AUTS2: variants seen among roughly 807,000 people sequenced by gnomAD.
The protein encoded by AUTS2 is autism susceptibility gene 2 protein.
A neutral mutation model predicts 112.4 loss-of-function variants in AUTS2; 17 were observed. The ratio of observed to expected loss-of-function variants is 0.15; its 90% CI spans 0.10 to 0.23. The LOEUF (loss-of-function observed/expected upper bound fraction) is 0.23. Among genes scored for constraint, AUTS2 ranks in the 10% least tolerant of loss-of-function variants. The pLI is 1.00. For synonymous variants in AUTS2, 751 were observed against 702.7 expected (o/e 1.07, Z -1.09); for missense variants, 1,510 against 1,701.6 (o/e 0.89, Z 1.98).
intron 5 of AUTS2, among the ~76,000 whole-genome samples, chr7:70,523,470 A>C (rs1439435435): frequency 6.6e-6 from 1 of 152,166 alleles, no homozygotes; most frequent in East Asian, 1.9e-4. Flanking sequence ...CAGAAGTGCA[A>C]GTGGTAAAGT....
chr7:70,044,526 G>A (rs1358505041), intron 2 of AUTS2, among the ~76,000 whole-genome samples: 1 of 152,080 alleles, frequency 6.6e-6, no homozygotes, highest in Non-Finnish European at 1.5e-5. Flanking sequence ...GATTCTGTTT[G>A]TACTAGATGT....
rs1299607895 is a variant in AUTS2, at chr7:70,057,595, T to G, written c.523-60537T>G. ...ATTGATGTGGAATAAGTTTTTTCAT[T>G]CCCATTTTAATGCTAGAAAATTGAA... is the stretch of plus-strand genomic sequence containing the variant. On this transcript the variant is annotated intron_variant, in intron 2 of 18. Transcript: ENST00000342771. Among the ~76,000 whole-genome samples the G allele has an allele frequency of 2.0e-5, 3 of 152,224 alleles. No individual in the cohort carries two copies. The East Asian group carries it at 5.8e-4, about 29-fold the overall frequency.
At chr7:70,728,195 G>C (rs955842585) in intron 6 of AUTS2, among the ~76,000 whole-genome samples, 3 of 152,108 alleles carry the variant, frequency 2.0e-5, no homozygotes, top group African/African-American at 7.2e-5. Context: ...GCTTTGTGAT[G>C]CTGTCCTGAT....
At chr7:70,147,656 A>T (rs777886561) in intron 4 of AUTS2, among the ~76,000 whole-genome samples, 5 of 152,184 alleles carry the variant, frequency 3.3e-5, no homozygotes, top group Non-Finnish European at 7.4e-5. Flanking sequence ...CTGATCATTT[A>T]CACGGGTGTA....
chr7:69,974,948 G>C (rs1361090686), intron 2 of AUTS2, among the ~76,000 whole-genome samples: 1 of 151,828 alleles, frequency 6.6e-6, no homozygotes, highest in Non-Finnish European at 1.5e-5. Flanking sequence ...TTCTGTCCTA[G>C]TGACTTAAGA....
At chr7:70,486,830 G>A (rs1348505217) in intron 5 of AUTS2, among the ~76,000 whole-genome samples, 5 of 151,642 alleles carry the variant, frequency 3.3e-5, no homozygotes, top group African/African-American at 1.2e-4. Flanking sequence ...TGGTGGTGGT[G>A]CTGGTGGTGG....
chr7:70,181,804 T>G (rs1175780796), intron 4 of AUTS2, among the ~76,000 whole-genome samples: 1 of 118,052 alleles, frequency 8.5e-6, no homozygotes, highest in East Asian at 2.6e-4. Flanking sequence ...AACTTTTTTT[T>G]TTTTTTTTTT....
rs547135478 is a variant in AUTS2 at position 70,084,894 on chromosome 7, A to T, written c.523-33238A>T. On this transcript the variant is annotated intron_variant, in intron 2 of 18. Transcript: ENST00000342771. ...TTTAATTTTTATTTAATTTTTAGAG[A>T]TAGGATCTTGCTCTGTCACCCAGGC... Among the ~76,000 whole-genome samples the T allele has an allele frequency of 2.9e-3, 447 of 152,196 alleles. 5 individuals carry two copies. The highest frequency in any genetic ancestry group is 0.01 in the African/African-American group (433 of 41,538).
intron 2 of AUTS2, among the ~76,000 whole-genome samples, chr7:70,054,583 AT>A (rs1405745640): frequency 6.6e-6 from 1 of 152,228 alleles, no homozygotes; most frequent in African/African-American, 2.4e-5. Context: ...AAACAAAAAA[AT>A]AAATGGGATT....
In AUTS2 at chr7:70,118,160, A is replaced by T; in HGVS notation, c.551A>T (p.Asp184Val). 6.2e-7 allele frequency: 1 copy of T among 1,612,064 alleles called. No individual in the cohort carries two copies. The highest frequency in any genetic ancestry group is 8.5e-7 in the Non-Finnish European group (1 of 1,179,292). ...AAGCCAGGACAGAACAGCTGCAGGGACAGTGACAGTGAAAGTGCCAGTGGA... is the reference window on the plus strand; with the variant it reads ...AAGCCAGGACAGAACAGCTGCAGGGTCAGTGACAGTGAAAGTGCCAGTGGA... ...QLKPGQNSCRDSDSESASGES... is the reference protein window; with the variant it reads ...QLKPGQNSCRVSDSESASGES... Residue 184 changes from aspartate to valine, a missense_variant, in exon 3 of 19, where the codon GAC becomes GTC. By Grantham distance (152) the Asp-to-Val change is radical. Coordinates refer to ENST00000342771, the MANE Select transcript of AUTS2 (RefSeq NM_015570.4).
At chr7:70,134,360 G>A (rs939662184) in intron 3 of AUTS2, among the ~76,000 whole-genome samples, 176 bp from the exon 4 acceptor site, 4 of 152,146 alleles carry the variant, frequency 2.6e-5, no homozygotes, top group African/African-American at 9.7e-5. Context: ...GAGATGTAAA[G>A]GGGAAAATTA....
chr7:69,911,966 A>G (rs888174208), intron 2 of AUTS2, among the ~76,000 whole-genome samples: 1 of 152,032 alleles, frequency 6.6e-6, no homozygotes, highest in African/African-American at 2.4e-5. Context: ...CCCACCATCA[A>G]TGTGCCATCC....
At chr7:69,869,475 G>A (rs944999594) in intron 1 of AUTS2, among the ~76,000 whole-genome samples, 3 of 151,070 alleles carry the variant, frequency 2.0e-5, no homozygotes, top group African/African-American at 7.3e-5. Flanking sequence ...ATTATTTTTT[G>A]TTTGTTATGT....
At chr7:70,192,806 G>A (rs780285042) in intron 4 of AUTS2, among the ~76,000 whole-genome samples, 3 of 152,166 alleles carry the variant, frequency 2.0e-5, no homozygotes, top group East Asian at 1.9e-4. Flanking sequence ...CTGATGCTTC[G>A]AATGGAATTT....
chr7:69,734,238 C>A (rs1216142355), intron 1 of AUTS2, among the ~76,000 whole-genome samples: 1 of 152,076 alleles, frequency 6.6e-6, no homozygotes, highest in Non-Finnish European at 1.5e-5. Flanking sequence ...AAATTAATTT[C>A]CCATTTTCAG....
chr7:69,669,017 T>C (rs1225309973), intron 1 of AUTS2, among the ~76,000 whole-genome samples: 1 of 152,168 alleles, frequency 6.6e-6, no homozygotes, highest in Non-Finnish European at 1.5e-5. Flanking sequence ...GCTTTTGAGG[T>C]ACTGTAATGT....
chr7:70,302,496 T>C (rs1359784536), intron 4 of AUTS2, among the ~76,000 whole-genome samples: 4 of 152,180 alleles, frequency 2.6e-5, no homozygotes, highest in Non-Finnish European at 5.9e-5. Context: ...AACACCATAA[T>C]TCCAAATGGA....
At chr7:69,613,405 G>A (rs1025169868) in intron 1 of AUTS2, among the ~76,000 whole-genome samples, 4 of 152,116 alleles carry the variant, frequency 2.6e-5, no homozygotes, top group Admixed American at 1.3e-4. Context: ...TAACATATTC[G>A]TTGTTGTTTT....
chr7:69,648,216 A>C (rs1795122859), intron 1 of AUTS2, among the ~76,000 whole-genome samples: 1 of 152,224 alleles, frequency 6.6e-6, no homozygotes, highest in South Asian at 2.1e-4. Context: ...TAATTCATCA[A>C]GAGCACTAAC....
Sources: gnomAD v4.1 joint callset for allele counts (sites outside exome capture counted in the v4.1 genomes callset) on GRCh38, gnomAD v4.1.1 for gene constraint, MANE v1.5 for transcripts, NCBI Gene and HGNC (gene_info 2026-07-23, HGNC 2026-07-21) for gene names.